The following MS4A4E variants were observed in gnomAD, a reference collection of about 807,000 sequenced individuals.
MS4A4E encodes the protein membrane spanning 4-domains A4E, also known as putative membrane-spanning 4-domains subfamily A member 4E.
MS4A4E carries 23 observed loss-of-function variants against 13.3 expected under a neutral mutation model. The observed-to-expected ratio is 1.73, with a 90% CI of 1.25 to 2.45. MS4A4E has a LOEUF of 2.45. Among genes scored for constraint, MS4A4E ranks in the 30% most tolerant of loss-of-function variants. The pLI, the probability that MS4A4E is intolerant of heterozygous loss-of-function variation, is 0.00. For missense variants in MS4A4E, 144 were observed against 131.2 expected (o/e 1.10, Z -0.48); for synonymous variants, 36 against 45.6 (o/e 0.79, Z 0.85).
At chr11:60,216,576 A>G (rs1221813922) in intron 3 of MS4A4E, among the ~76,000 whole-genome samples, 1 of 151,522 alleles carries the variant, frequency 6.6e-6, no homozygotes, top group Non-Finnish European at 1.5e-5. Context: ...TTTAATAAAA[A>G]GCTATTATTG....
rs1262807535 is a variant in MS4A4E at position 60,214,616 on chromosome 11, T to A, written c.179-2A>T. Reference sequence around the variant, plus strand: ...TTCCTGCTGCAACTGATAAGGATACTGAAATAATAAAATAAGAATGAGAGA... The same window carrying A: ...TTCCTGCTGCAACTGATAAGGATACAGAAATAATAAAATAAGAATGAGAGA... On this transcript the variant is annotated splice_acceptor_variant, in intron 3 of 8. Coordinates refer to ENST00000651255, the MANE Select transcript of MS4A4E (RefSeq NM_001393391.1). LOFTEE classifies it high-confidence loss of function. The A allele has an allele frequency of 5.3e-6, 8 of 1,520,660 alleles. No homozygotes were observed. Among genetic ancestry groups the A allele is most frequent in the Non-Finnish European group, 7.0e-6 (8 of 1,138,088 alleles). 94.2% of individuals were successfully genotyped at this position (1,520,660 alleles called of 1,614,324 possible).
chr11:60,210,151 C>T (rs185329581), intron 5 of MS4A4E, among the ~76,000 whole-genome samples: 8 of 152,312 alleles, frequency 5.3e-5, no homozygotes, highest in Non-Finnish European at 7.3e-5. Flanking sequence ...AGCAGCAATA[C>T]ACAATATGTA....
chr11:60,240,861 G>A (rs189600237), intron 1 of MS4A4E, among the ~76,000 whole-genome samples: 23 of 152,036 alleles, frequency 1.5e-4, no homozygotes, highest in African/African-American at 4.1e-4. Flanking sequence ...CCCATTTCCC[G>A]CATGTGGATT....
chr11:60,240,417 C>T (rs1704736082), intron 1 of MS4A4E, among the ~76,000 whole-genome samples: 1 of 152,104 alleles, frequency 6.6e-6, no homozygotes, highest in African/African-American at 2.4e-5. Flanking sequence ...CCCCGGTGTC[C>T]ATTTGTAGCC....
At chr11:60,229,168 C>T (rs1477930358) in intron 2 of MS4A4E, among the ~76,000 whole-genome samples, 1 of 152,184 alleles carries the variant, frequency 6.6e-6, no homozygotes, top group Admixed American at 6.5e-5. Flanking sequence ...ACTTTGCTCT[C>T]AATTGTTCTT....
intron 5 of MS4A4E, among the ~76,000 whole-genome samples, chr11:60,212,378 C>T (rs1012877537): frequency 6.0e-5 from 9 of 150,028 alleles, no homozygotes; most frequent in East Asian, 2.0e-4. Flanking sequence ...GGCACTATCT[C>T]GGCTCACTGC....
intron 4 of MS4A4E, chr11:60,213,378 A>G (rs1167171890): frequency 7.1e-7 from 1 of 1,417,672 alleles, no homozygotes; most frequent in South Asian, 1.3e-5. Flanking sequence ...CAGGGTTTTC[A>G]ATGATTTTTT....
chr11:60,205,364 T>C (rs1297910841), intron 7 of MS4A4E, among the ~76,000 whole-genome samples: 2 of 152,214 alleles, frequency 1.3e-5, no homozygotes, highest in African/African-American at 4.8e-5. Context: ...TATTTTCTTA[T>C]ATGCTTAAAA....
intron 8 of MS4A4E, among the ~76,000 whole-genome samples, chr11:60,203,224 T>C (rs1209380765): frequency 6.6e-6 from 1 of 152,256 alleles, no homozygotes; most frequent in African/African-American, 2.4e-5. Flanking sequence ...TTTTATATTG[T>C]TTAATAATTC....
At chr11:60,241,190 AT>A (rs1195768747) in intron 1 of MS4A4E, among the ~76,000 whole-genome samples, 3 of 151,856 alleles carry the variant, frequency 2.0e-5, no homozygotes, top group African/African-American at 7.3e-5. Flanking sequence ...CGCCTGGCTA[AT>A]TTTTTTGTAT....
At chr11:60,238,113 T>C (rs1252079556) in intron 1 of MS4A4E, among the ~76,000 whole-genome samples, 1 of 151,746 alleles carries the variant, frequency 6.6e-6, no homozygotes, top group Non-Finnish European at 1.5e-5. Flanking sequence ...TCTGTATTCA[T>C]GAGAGACATT....
intron 1 of MS4A4E, among the ~76,000 whole-genome samples, chr11:60,230,336 T>C (rs2084393269): frequency 6.6e-6 from 1 of 152,110 alleles, no homozygotes; most frequent in Non-Finnish European, 1.5e-5. Flanking sequence ...ATTAGAGAAA[T>C]TTCTTCAACT....
chr11:60,218,483 T>C (rs555581733), intron 3 of MS4A4E, among the ~76,000 whole-genome samples: 1 of 152,186 alleles, frequency 6.6e-6, no homozygotes, highest in Non-Finnish European at 1.5e-5. Flanking sequence ...CCTATCGACA[T>C]GTGATGTCTT....
chr11:60,232,649 G>C (rs1033742608), intron 1 of MS4A4E, among the ~76,000 whole-genome samples: 1 of 151,992 alleles, frequency 6.6e-6, no homozygotes, highest in Non-Finnish European at 1.5e-5. Flanking sequence ...AAGTCCACAT[G>C]TCTGTTCTAT....
At chr11:60,241,006 T>C (rs558708607) in intron 1 of MS4A4E, among the ~76,000 whole-genome samples, 1 of 114,650 alleles carries the variant, frequency 8.7e-6, no homozygotes, top group Non-Finnish European at 1.9e-5. Flanking sequence ...TTTTTATTTA[T>C]TTATTTATTT....
At position 60,214,589 on chromosome 11, in the gene MS4A4E, A is replaced by C; in HGVS notation, c.204T>G (p.Ile68Met). 1.3e-6 allele frequency: 2 copies of C among 1,534,046 alleles called. No homozygotes were observed. Among genetic ancestry groups the C allele is most frequent in the Non-Finnish European group, 1.7e-6 (2 of 1,145,042 alleles). The change falls in exon 4 of 9, where the codon ATT (isoleucine) becomes ATG (methionine). Residue 68 changes from isoleucine to methionine, a missense_variant. Around this residue, in one of 3 missense-constraint regions of MS4A4E, gnomAD observed 119 missense variants for 88.7 expected, o/e 1.34. Transcript: ENST00000651255. ...TACTCACCAGACCTTTTGTTGTTCT[A>C]ATTCCTGCTGCAACTGATAAGGATA... is the stretch of plus-strand genomic sequence containing the variant. The part of the protein sequence containing the change: ...HSVSLSVAAG[I>M]RTTKGLVGGS...
At chr11:60,221,134 A>T (rs1359885662) in intron 3 of MS4A4E, among the ~76,000 whole-genome samples, 1 of 152,136 alleles carries the variant, frequency 6.6e-6, no homozygotes, top group African/African-American at 2.4e-5. Context: ...TTTCCTTTTT[A>T]GAAAGAGCTC....
At chr11:60,231,479 T>C (rs1380499323) in intron 1 of MS4A4E, among the ~76,000 whole-genome samples, 3 of 152,088 alleles carry the variant, frequency 2.0e-5, no homozygotes, top group Non-Finnish European at 4.4e-5. Context: ...CATTTTGTTA[T>C]GAAAGTGGGA....
At position 60,214,592 on chromosome 11, in the gene MS4A4E, T is replaced by C; in HGVS notation, c.201A>G (p.Gly67=). ...TCACCAGACCTTTTGTTGTTCTAAT[T>C]CCTGCTGCAACTGATAAGGATACTG... ...THSVSLSVAA[G]IRTTKGLVGG... Residue 67 remains glycine (G), a synonymous_variant, in exon 4 of 9, where the codon GGA becomes GGG. Coordinates refer to ENST00000651255, the MANE Select transcript of MS4A4E (RefSeq NM_001393391.1). 6.5e-7 allele frequency: 1 copy of C among 1,533,606 alleles called. No homozygotes were observed. Among genetic ancestry groups the C allele is most frequent in the South Asian group, 1.2e-5 (1 of 82,584 alleles). The allele number at this position is 1,533,606 out of a possible 1,614,324, so 95.0% of individuals were successfully genotyped here.
Sources: allele counts gnomAD v4.1 joint callset (sites outside exome capture counted in the v4.1 genomes callset), GRCh38; gene constraint gnomAD v4.1.1; regional missense constraint gnomAD v4.1.1; transcripts MANE v1.5; gene names NCBI Gene and HGNC (gene_info 2026-07-23, HGNC 2026-07-21).